Variants in DCC observed in about 807,000 individuals in gnomAD.
DCC encodes netrin receptor DCC.
DCC carries 58 observed loss-of-function variants against 172.5 expected under a neutral mutation model. The observed-to-expected ratio is 0.34, with a 90% CI of 0.27 to 0.42. The LOEUF is 0.42. Ranked by LOEUF, DCC falls within the 10% of genes least tolerant of loss-of-function variation. The probability of loss-of-function intolerance (pLI) is 1.00; values close to 1 mark genes in which losing one functional copy is unlikely to be tolerated. For synonymous variants in DCC, 709 were observed against 644.5 expected, an observed-to-expected ratio of 1.10 and a Z score of -1.52; for missense variants, 1,740 against 1,791.0, an observed-to-expected ratio of 0.97 and a Z score of 0.51.
intron 2 of DCC, among the ~76,000 whole-genome samples, chr18:52,861,815 T>C (rs112860774): frequency 0.021 from 3,233 of 152,292 alleles, 94 homozygotes; most frequent in African/African-American, 0.07. Context: ...ATCTCCAAAG[T>C]TATCAGAAGC....
intron 7 of DCC, among the ~76,000 whole-genome samples, chr18:53,119,737 A>G (rs923563255): frequency 2.0e-5 from 3 of 151,770 alleles, no homozygotes; most frequent in African/African-American, 7.2e-5. Context: ...ACATTGTTGT[A>G]GTTTCCAGTC....
intron 12 of DCC, among the ~76,000 whole-genome samples, chr18:53,275,952 A>G (rs1327838060): frequency 2.0e-5 from 3 of 152,116 alleles, no homozygotes; most frequent in African/African-American, 7.2e-5. Context: ...GTAAAATATA[A>G]TTTTCAAAAG....
At chr18:53,119,455 C>G (rs1232866427) in intron 7 of DCC, among the ~76,000 whole-genome samples, 2 of 151,734 alleles carry the variant, frequency 1.3e-5, no homozygotes, top group Admixed American at 1.3e-4. Flanking sequence ...TAGACTCTGT[C>G]TACTTAGGAA....
intron 3 of DCC, among the ~76,000 whole-genome samples, chr18:52,918,742 A>C (rs1358230909): frequency 6.6e-6 from 1 of 152,152 alleles, no homozygotes; most frequent in East Asian, 1.9e-4. Context: ...ATTGTAAATA[A>C]AGGAGAAAAA....
chr18:52,544,159 C>A (rs187679194), intron 1 of DCC, among the ~76,000 whole-genome samples: 11 of 152,292 alleles, frequency 7.2e-5, no homozygotes, highest in Admixed American at 7.2e-4. Flanking sequence ...CCCACCCGTG[C>A]CTAAAATAGC....
intron 2 of DCC, among the ~76,000 whole-genome samples, chr18:52,839,851 G>T (rs181960922): frequency 1.4e-4 from 22 of 152,274 alleles, no homozygotes; most frequent in Admixed American, 1.4e-3. Flanking sequence ...TTGAAGACTG[G>T]TTAGTTGGAA....
At chr18:53,052,401 C>G (rs2144042173) in intron 5 of DCC, among the ~76,000 whole-genome samples, 2 of 152,140 alleles carry the variant, frequency 1.3e-5, no homozygotes, top group African/African-American at 4.8e-5. Flanking sequence ...TCCCCATCCC[C>G]CCTTTTTCTT....
chr18:53,495,157 C>T (rs1486734877), intron 26 of DCC, among the ~76,000 whole-genome samples: 2 of 152,054 alleles, frequency 1.3e-5, no homozygotes, highest in African/African-American at 4.8e-5. Flanking sequence ...TTTGGGAGGC[C>T]AAGGCTGGTG....
intron 2 of DCC, chr18:52,816,831 C>T (rs929905772): frequency 2.0e-5 from 3 of 152,150 alleles, no homozygotes; most frequent in African/African-American, 7.2e-5. Flanking sequence ...AGATTATTTT[C>T]ATCTTATTCA....
chr18:52,372,147 C>T (rs917973660), intron 1 of DCC, among the ~76,000 whole-genome samples: 2 of 152,186 alleles, frequency 1.3e-5, no homozygotes, highest in Admixed American at 1.3e-4. Flanking sequence ...TCTTCTTTTG[C>T]CTCCAACTAC....
At chr18:53,103,743 T>C (rs975163390) in intron 7 of DCC, among the ~76,000 whole-genome samples, 3 of 152,088 alleles carry the variant, frequency 2.0e-5, no homozygotes, top group African/African-American at 7.2e-5. Flanking sequence ...CTTAGAACAG[T>C]ATTAAATTTA....
At chr18:52,980,560 CAACT>C (rs999110878) in intron 5 of DCC, among the ~76,000 whole-genome samples, 19 of 152,134 alleles carry the variant, frequency 1.2e-4, no homozygotes, top group African/African-American at 3.6e-4. Context: ...GATTACAGTT[CAACT>C]AACTATGTTA....
intron 14 of DCC, among the ~76,000 whole-genome samples, chr18:53,323,003 C>A (rs1039462242): frequency 6.6e-6 from 1 of 151,906 alleles, no homozygotes; most frequent in Admixed American, 6.6e-5. Flanking sequence ...AAGATAAACT[C>A]GTATGTATTG....
At chr18:52,427,735 C>A (rs1432601536) in intron 1 of DCC, among the ~76,000 whole-genome samples, 1 of 152,050 alleles carries the variant, frequency 6.6e-6, no homozygotes, top group African/African-American at 2.4e-5. Flanking sequence ...AGGCCAAGTT[C>A]TTTTCCTCTT....
At chr18:53,507,277 TAATGGACTATTGA>T (rs996742511) in intron 27 of DCC, among the ~76,000 whole-genome samples, 3 of 152,204 alleles carry the variant, frequency 2.0e-5, no homozygotes, top group Admixed American at 2.0e-4. Flanking sequence ...ACCTCTGTGC[TAATGGACTATTGA>T]AAATGTGTTA....
intron 7 of DCC, among the ~76,000 whole-genome samples, chr18:53,125,173 CATA>C (rs2043537473): frequency 6.6e-6 from 1 of 152,022 alleles, no homozygotes; most frequent in African/African-American, 2.4e-5. Flanking sequence ...AGATCTGGCA[CATA>C]ATAATTTGCT....
chr18:52,735,636 G>GTCCAACAT (rs57613281), intron 1 of DCC, among the ~76,000 whole-genome samples: 1 of 151,736 alleles, frequency 6.6e-6, no homozygotes, highest in Admixed American at 6.6e-5. Flanking sequence ...AAGTCCAAAA[G>GTCCAACAT]CTGATGAACT....
At chr18:52,853,468 A>C (rs543222943) in intron 2 of DCC, among the ~76,000 whole-genome samples, 2 of 152,320 alleles carry the variant, frequency 1.3e-5, no homozygotes, top group African/African-American at 4.8e-5. Context: ...GAAACGGTAC[A>C]CTTTTCAGGT....
intron 5 of DCC, among the ~76,000 whole-genome samples, chr18:53,045,893 T>A (rs539345649): frequency 6.6e-6 from 1 of 152,048 alleles, no homozygotes; most frequent in Non-Finnish European, 1.5e-5. Flanking sequence ...CAGCAAATGG[T>A]CAAAGACTGT....
Sources: allele counts gnomAD v4.1 joint callset (sites outside exome capture counted in the v4.1 genomes callset), GRCh38; gene constraint gnomAD v4.1.1; transcripts MANE v1.5; gene names NCBI Gene and HGNC (gene_info 2026-07-23, HGNC 2026-07-21).